Variants in RAB20 observed in about 807,000 individuals in gnomAD.
The protein encoded by RAB20 is ras-related protein Rab-20.
RAB20 carries 2 observed loss-of-function variants against 3.7 expected under a neutral mutation model. That is an observed-to-expected ratio of 0.54 (90% confidence interval 0.22 to 1.69). RAB20 has a LOEUF of 1.69. RAB20 is among the 40% of genes most tolerant of loss of function. RAB20 has a pLI of 0.19. For synonymous variants in RAB20, 126 were observed against 130.8 expected (o/e 0.96, Z 0.25); for missense variants, 276 against 311.9 (o/e 0.88, Z 0.87).
At chr13:110,556,170 T>C (rs1885035573) in intron 1 of RAB20, among the ~76,000 whole-genome samples, 1 of 152,228 alleles carries the variant, frequency 6.6e-6, no homozygotes, top group Admixed American at 6.5e-5. Flanking sequence ...CTCCAGAACC[T>C]GTGCCCTCAT....
chr13:110,525,908 C>T (rs1884421383), intron 1 of RAB20, among the ~76,000 whole-genome samples: 1 of 152,240 alleles, frequency 6.6e-6, no homozygotes, highest in Non-Finnish European at 1.5e-5. Context: ...AGGGGCTTCA[C>T]AGACGCTCCT....
chr13:110,536,239 C>T (rs533682651), intron 1 of RAB20, among the ~76,000 whole-genome samples: 10 of 152,210 alleles, frequency 6.6e-5, no homozygotes, highest in South Asian at 2.1e-4. Flanking sequence ...CTGAGGTGCA[C>T]GGCCCTGCCG....
At chr13:110,538,600 A>C (rs1489706383) in intron 1 of RAB20, among the ~76,000 whole-genome samples, 1 of 102,624 alleles carries the variant, frequency 9.7e-6, no homozygotes, top group African/African-American at 5.6e-5. Context: ...CTTCTCTCAA[A>C]AAAAAAAAAA....
intron 1 of RAB20, among the ~76,000 whole-genome samples, chr13:110,548,207 G>C (rs1313302567): frequency 6.6e-6 from 1 of 152,172 alleles, no homozygotes; most frequent in Non-Finnish European, 1.5e-5. Flanking sequence ...AATTCGGCCG[G>C]GCACGGTGGC....
chr13:110,542,885 G>A (rs370415444), intron 1 of RAB20, among the ~76,000 whole-genome samples: 3 of 152,198 alleles, frequency 2.0e-5, no homozygotes, highest in East Asian at 3.9e-4. Flanking sequence ...GTCTTCCACC[G>A]CGGCCATACC....
intron 1 of RAB20, among the ~76,000 whole-genome samples, chr13:110,534,999 A>G (rs1265572106): frequency 5.6e-5 from 7 of 124,236 alleles, no homozygotes; most frequent in Non-Finnish European, 6.7e-5. Flanking sequence ...ACGCCTGGCT[A>G]ATTTTTTAAT....
At position 110,555,847 on chromosome 13, in the gene RAB20, C is replaced by T. The variant is rs892867781; in HGVS notation, c.172+5501G>A. On this transcript the variant is annotated intron_variant, in intron 1 of 1. Transcript: ENST00000267328. This position sits in a 1 kb window ranked among gnomAD's most constrained non-coding sequence, Gnocchi z 4.0. ...GTGCCCCCAGCCTTCCCTCCTCTCG[C>T]CGTGGCCTCCCCATTTATTAGAGAC... Among the ~76,000 whole-genome samples the T allele has an allele frequency of 1.3e-5, 2 of 152,228 alleles. No homozygotes were observed. Among genetic ancestry groups the T allele is most frequent in the South Asian group, 2.1e-4 (1 of 4,834 alleles).
chr13:110,551,997 A>T (rs1333480422), intron 1 of RAB20, among the ~76,000 whole-genome samples: 1 of 151,736 alleles, frequency 6.6e-6, no homozygotes, highest in Non-Finnish European at 1.5e-5. Context: ...GGACTGCTTG[A>T]GCCCACGAGG....
intron 1 of RAB20, among the ~76,000 whole-genome samples, chr13:110,527,045 T>C (rs1317438510): frequency 6.6e-6 from 1 of 152,058 alleles, no homozygotes; most frequent in African/African-American, 2.4e-5. Flanking sequence ...ACTGAACGCA[T>C]GACACCTGCA....
intron 1 of RAB20, among the ~76,000 whole-genome samples, chr13:110,527,624 A>C (rs948105703): frequency 6.6e-6 from 1 of 152,178 alleles, no homozygotes; most frequent in Non-Finnish European, 1.5e-5. Context: ...GAAGGGCAAC[A>C]TTCCTCCCTT....
intron 1 of RAB20, among the ~76,000 whole-genome samples, chr13:110,543,945 T>G (rs1451690867): frequency 6.6e-6 from 1 of 151,960 alleles, no homozygotes; most frequent in East Asian, 1.9e-4. Context: ...CGGCCAATTT[T>G]TGTATTTTTA....
intron 1 of RAB20, among the ~76,000 whole-genome samples, chr13:110,550,816 G>A (rs1316760092): frequency 6.6e-6 from 1 of 152,126 alleles, no homozygotes; most frequent in Non-Finnish European, 1.5e-5. Flanking sequence ...CAACTTCCCA[G>A]AAACACAGTC....
chr13:110,523,530 T>C lies in RAB20; in HGVS notation c.*135A>G. 1 of 1,443,242 alleles carries C rather than the reference T, an allele frequency of 6.9e-7. No individual in the cohort carries two copies. The highest frequency in any genetic ancestry group is 1.5e-5 in the South Asian group (1 of 68,782). 89.4% of individuals were successfully genotyped at this position (1,443,242 alleles called of 1,614,324 possible). On this transcript the variant is annotated 3_prime_UTR_variant, in exon 2 of 2. Transcript: ENST00000267328. ...CTCCTCTTCATAGCCAGCCATCATT[T>C]CCACTCCAACATTCTGCTGCGGGTG...
intron 1 of RAB20, among the ~76,000 whole-genome samples, chr13:110,526,873 A>G (rs1669294470): frequency 1.3e-5 from 2 of 152,210 alleles, no homozygotes; most frequent in East Asian, 1.9e-4. Context: ...AAAAGGCTCA[A>G]GACGACTGTA....
chr13:110,547,010 G>T (rs960925398), intron 1 of RAB20, among the ~76,000 whole-genome samples: 5 of 152,114 alleles, frequency 3.3e-5, no homozygotes, highest in Admixed American at 6.6e-5. Context: ...GAAGTGCTGG[G>T]ATTACAGGCG....
intron 1 of RAB20, among the ~76,000 whole-genome samples, chr13:110,553,108 T>C (rs1008114710): frequency 6.6e-6 from 1 of 152,248 alleles, no homozygotes; most frequent in Admixed American, 6.5e-5. Flanking sequence ...GCAGAGGGAC[T>C]CTACAAATGA....
Position 110,538,733 on chromosome 13 carries a change from G to A in RAB20, c.173-14536C>T, listed in dbSNP as rs112619050. Among the ~76,000 whole-genome samples the A allele has an allele frequency of 5.9e-3, 892 of 152,242 alleles. 4 individuals are homozygous for A. The highest frequency in any genetic ancestry group is 0.014 in the Middle Eastern group (4 of 294). On this transcript the variant is annotated intron_variant, in intron 1 of 1. Transcript: ENST00000267328. Reference sequence around the variant, plus strand: ...CCACTCCCAGAAAACCAGCTCCCTGGGGACGGCTGTTTCCTCCCAGCAAGG... The same window carrying A: ...CCACTCCCAGAAAACCAGCTCCCTGAGGACGGCTGTTTCCTCCCAGCAAGG...
At chr13:110,561,322 T>C in intron 1 of RAB20, 26 bp downstream of exon 1, 1 of 1,563,284 alleles carries the variant, frequency 6.4e-7, no homozygotes, top group Non-Finnish European at 8.6e-7. Context: ...CCCAGGGCGG[T>C]GTGGCTCATG....
chr13:110,543,974 C>G (rs545339280), intron 1 of RAB20, among the ~76,000 whole-genome samples: 1 of 152,124 alleles, frequency 6.6e-6, no homozygotes, highest in African/African-American at 2.4e-5. Context: ...GTGGTTTCAC[C>G]TTGTTGGCCA....
Sources: allele counts gnomAD v4.1 joint callset (sites outside exome capture counted in the v4.1 genomes callset), GRCh38; gene constraint gnomAD v4.1.1; non-coding constraint Gnocchi (gnomAD v3.1); transcripts MANE v1.5; gene names NCBI Gene and HGNC (gene_info 2026-07-23, HGNC 2026-07-21).